RXRA: variants seen among roughly 807,000 people sequenced by gnomAD.
RXRA encodes retinoic acid receptor RXR-alpha.
In RXRA, 5 loss-of-function variants were observed where a neutral mutation model predicts 44.5. The observed-to-expected ratio is 0.11, with a 90% CI of 0.06 to 0.24. The LOEUF (loss-of-function observed/expected upper bound fraction) is 0.24. RXRA is among the 10% of genes least tolerant of loss of function. The probability of loss-of-function intolerance (pLI) is 1.00; values close to 1 mark genes in which losing one functional copy is unlikely to be tolerated. For missense variants in RXRA, 412 were observed against 646.5 expected, an observed-to-expected ratio of 0.64 and a Z score of 3.93; for synonymous variants, 291 against 271.4, an observed-to-expected ratio of 1.07 and a Z score of -0.71.
chr9:134,422,170 C>T (rs1372686451), intron 6 of RXRA: 2 of 1,294,808 alleles, frequency 1.5e-6, no homozygotes, highest in Admixed American at 2.3e-5. Context: ...GGACACACTT[C>T]CCCCTCCTGG....
At chr9:134,339,715 T>TTGAGCCTGTGTGTGTG (rs1254688952) in intron 1 of RXRA, among the ~76,000 whole-genome samples, 174 of 121,976 alleles carry the variant, frequency 1.4e-3, no homozygotes, top group African/African-American at 5.1e-3. Context: ...CTGTGTGTGT[T>TTGAGCCTGTGTGTGTG]TGAGCCTGTG....
intron 1 of RXRA, among the ~76,000 whole-genome samples, chr9:134,359,525 C>T (rs1830323722): frequency 1.3e-5 from 2 of 152,178 alleles, no homozygotes; most frequent in South Asian, 2.1e-4. Context: ...ATTCCTGGGG[C>T]ACTGTGGCTT....
intron 1 of RXRA, among the ~76,000 whole-genome samples, chr9:134,386,367 C>CG (rs1830720673): frequency 1.3e-5 from 2 of 152,306 alleles, no homozygotes; most frequent in South Asian, 4.1e-4. Flanking sequence ...GCCTGGCGGG[C>CG]GGGGGACCGC....
chr9:134,346,888 G>A lies in RXRA; in HGVS notation c.28+20229G>A, dbSNP rs532842669. Among the ~76,000 whole-genome samples the A allele has an allele frequency of 5.8e-4, 89 of 152,330 alleles. 1 individual carries two copies. The highest frequency in any genetic ancestry group is 2.0e-3 in the African/African-American group (82 of 41,566). The stretch of plus-strand genomic sequence containing the variant: ...GGTGGGACTGGCTGGGACCCCACCA[G>A]CGCTTCACTGCTCCCATCTTACGGA... On this transcript the variant is annotated intron_variant, in intron 1 of 9. Transcript: ENST00000481739.
intron 1 of RXRA, among the ~76,000 whole-genome samples, chr9:134,345,017 G>C (rs1480199419): frequency 1.3e-5 from 2 of 152,160 alleles, no homozygotes; most frequent in African/African-American, 2.4e-5. Context: ...CGTGTGCCTG[G>C]GGACAGCGGC....
At chr9:134,401,068 GCCTGGCTTC>G in intron 1 of RXRA, among the ~76,000 whole-genome samples, 1 of 152,354 alleles carries the variant, frequency 6.6e-6, no homozygotes, top group South Asian at 2.1e-4. Flanking sequence ...AGTACTCAGG[GCCTGGCTTC>G]CCGCATCTGT....
At chr9:134,406,416 A>G (rs1286567917) in intron 2 of RXRA, 1 of 149,430 alleles carries the variant, frequency 6.7e-6, no homozygotes, top group Non-Finnish European at 1.5e-5. Context: ...AAAAAAAAAG[A>G]GAAAAGAAGT....
chr9:134,430,166 G>A (rs1289729321), intron 7 of RXRA, among the ~76,000 whole-genome samples: 2 of 152,340 alleles, frequency 1.3e-5, no homozygotes, highest in East Asian at 1.9e-4. Context: ...GATTACAGGC[G>A]TGAGCCGCCG....
At chr9:134,393,071 G>A (rs1312309944) in intron 1 of RXRA, among the ~76,000 whole-genome samples, 2 of 152,140 alleles carry the variant, frequency 1.3e-5, no homozygotes, top group Non-Finnish European at 2.9e-5. Context: ...GGAATCATGG[G>A]GAAGCGGGAA....
chr9:134,360,457 C>G (rs1301716503), intron 1 of RXRA, among the ~76,000 whole-genome samples: 1 of 152,218 alleles, frequency 6.6e-6, no homozygotes, highest in Non-Finnish European at 1.5e-5. Flanking sequence ...CATCCTTCCC[C>G]TGGTCCCGCC....
chr9:134,431,427 C>T (rs923307405), intron 7 of RXRA, among the ~76,000 whole-genome samples: 1 of 152,068 alleles, frequency 6.6e-6, no homozygotes, highest in Non-Finnish European at 1.5e-5. Context: ...ACACCAGGCC[C>T]TGGGGAAAGG....
chr9:134,362,026 A>G (rs1272852029), intron 1 of RXRA, among the ~76,000 whole-genome samples: 1 of 151,842 alleles, frequency 6.6e-6, no homozygotes, highest in African/African-American at 2.4e-5. Flanking sequence ...TGGTGGGAGG[A>G]GCCCCAATCT....
At chr9:134,374,549 C>T (rs1370973620) in intron 1 of RXRA, among the ~76,000 whole-genome samples, 1 of 152,158 alleles carries the variant, frequency 6.6e-6, no homozygotes, top group Non-Finnish European at 1.5e-5. Flanking sequence ...CCGGGGCACC[C>T]CCCGCCTCCG....
chr9:134,353,101 A>T (rs1554749662), intron 1 of RXRA, among the ~76,000 whole-genome samples: 1 of 149,978 alleles, frequency 6.7e-6, no homozygotes, highest in Non-Finnish European at 1.5e-5. Context: ...TGGAGGGGGG[A>T]GGAGGGGCTG....
intron 1 of RXRA, among the ~76,000 whole-genome samples, chr9:134,367,330 G>A (rs949568231): frequency 1.3e-4 from 20 of 152,294 alleles, no homozygotes; most frequent in South Asian, 6.2e-4. Flanking sequence ...TCTGCGGTGG[G>A]GGGGAGGGTG....
intron 4 of RXRA, among the ~76,000 whole-genome samples, chr9:134,416,156 G>A (rs902791529): frequency 1.3e-5 from 2 of 152,120 alleles, no homozygotes; most frequent in Admixed American, 6.5e-5. Context: ...CCTGTCCCCC[G>A]GCACTTGGGA....
At chr9:134,334,560 G>A (rs782312705) in intron 1 of RXRA, among the ~76,000 whole-genome samples, 1 of 152,226 alleles carries the variant, frequency 6.6e-6, no homozygotes, top group South Asian at 2.1e-4. Context: ...GCCGTCCCTC[G>A]AACTCAGCTC....
intron 6 of RXRA, chr9:134,422,072 TCCCCTCTC>T: frequency 8.0e-7 from 1 of 1,256,766 alleles, no homozygotes; most frequent in Non-Finnish European, 1.0e-6. Context: ...CCCAGGACGC[TCCCCTCTC>T]CCAGGACACT....
intron 1 of RXRA, chr9:134,379,432 A>G (rs1830606742): frequency 2.0e-6 from 2 of 987,260 alleles, no homozygotes; most frequent in Admixed American, 1.2e-4. Flanking sequence ...CTTCCTGGCC[A>G]TCCAGGCATC....
Sources: gnomAD v4.1 joint callset for allele counts (sites outside exome capture counted in the v4.1 genomes callset) on GRCh38, gnomAD v4.1.1 for gene constraint, MANE v1.5 for transcripts, NCBI Gene and HGNC (gene_info 2026-07-23, HGNC 2026-07-21) for gene names.